The following TOM1L2 variants were observed in gnomAD, a reference collection of about 807,000 sequenced individuals.
TOM1L2 encodes the protein target of myb1 like 2 membrane trafficking protein.
TOM1L2 carries 31 observed loss-of-function variants against 67.9 expected under a neutral mutation model. That is an observed-to-expected ratio of 0.46 (90% CI 0.34 to 0.62). The LOEUF is 0.62. TOM1L2 is among the 20% of genes least tolerant of loss of function. The pLI is 0.01. For synonymous variants in TOM1L2, 256 were observed against 254.0 expected, an observed-to-expected ratio of 1.01 and a Z score of -0.07; for missense variants, 606 against 663.5, an observed-to-expected ratio of 0.91 and a Z score of 0.95.
At chr17:17,952,766 G>C (rs911279375) in intron 1 of TOM1L2, among the ~76,000 whole-genome samples, 1 of 152,120 alleles carries the variant, frequency 6.6e-6, no homozygotes, top group African/African-American at 2.4e-5. Context: ...CAAACAAACA[G>C]CTTTAGGATG....
chr17:17,935,334 A>G (rs1193969444), intron 1 of TOM1L2, among the ~76,000 whole-genome samples: 1 of 152,228 alleles, frequency 6.6e-6, no homozygotes, highest in East Asian at 1.9e-4. Flanking sequence ...CTGTTGGCAA[A>G]TAACAGCCTT....
intron 2 of TOM1L2, among the ~76,000 whole-genome samples, chr17:17,905,584 G>A (rs944932485): frequency 1.3e-5 from 2 of 152,120 alleles, no homozygotes; most frequent in African/African-American, 4.8e-5. Context: ...TGTCGCCCAG[G>A]CTAGAATGCA....
At chr17:17,879,139 G>T (rs187898776) in intron 7 of TOM1L2, among the ~76,000 whole-genome samples, 1 of 152,196 alleles carries the variant, frequency 6.6e-6, no homozygotes, top group Non-Finnish European at 1.5e-5. Flanking sequence ...GGACACCTTG[G>T]GGGTGAGGTG....
intron 6 of TOM1L2, among the ~76,000 whole-genome samples, chr17:17,882,200 G>A (rs1412084702): frequency 6.6e-6 from 1 of 152,096 alleles, no homozygotes; most frequent in Non-Finnish European, 1.5e-5. Context: ...CTTTTTTTAT[G>A]GGATAGATCT....
intron 4 of TOM1L2, among the ~76,000 whole-genome samples, chr17:17,886,639 G>C (rs968237324): frequency 6.6e-6 from 1 of 152,236 alleles, no homozygotes; most frequent in African/African-American, 2.4e-5. Context: ...GTTCTTCCTG[G>C]CACCACTTCA....
intron 9 of TOM1L2, 43 bp from the exon 10 acceptor site, chr17:17,866,462 G>A: frequency 6.5e-7 from 1 of 1,537,494 alleles, no homozygotes; most frequent in South Asian, 1.2e-5. Flanking sequence ...GAACCCTGGA[G>A]TCAGGCTCTG....
In TOM1L2 at chr17:17,869,336, C is replaced by T; in HGVS notation, c.911+4G>A. The T allele has an allele frequency of 1.2e-6, 2 of 1,611,112 alleles. No individual in the cohort carries two copies. The highest frequency in any genetic ancestry group is 1.7e-6 in the Non-Finnish European group (2 of 1,179,914). ...AAAAAAAAAAAAAGAAATCCGGCTC[C>T]CACCTCTCGTATCGAAGGAAGACGT... On this transcript the variant is annotated splice_donor_region_variant and intron_variant, in intron 8 of 14. Coordinates refer to ENST00000379504, the MANE Select transcript of TOM1L2 (RefSeq NM_001082968.2).
chr17:17,968,073 G>A (rs904769140), intron 1 of TOM1L2, among the ~76,000 whole-genome samples: 1 of 152,178 alleles, frequency 6.6e-6, no homozygotes, highest in South Asian at 2.1e-4. Context: ...AGGTTAGAAT[G>A]TTCACATGAG....
chr17:17,847,564 G>A lies in TOM1L2; in HGVS notation c.*71C>T. 1 of 1,532,992 alleles carries A rather than the reference G, an allele frequency of 6.5e-7. No individual in the cohort carries two copies. Among genetic ancestry groups the A allele is most frequent in the Non-Finnish European group, 8.7e-7 (1 of 1,143,470 alleles). 95.0% of individuals were successfully genotyped at this position (1,532,992 alleles called of 1,614,324 possible). ...GCCGTGTGGAGCTGGGGATGTAGGAGTGGCCAGTGCCCGGTGTCCACGGGG... is the reference window on the plus strand; with the variant it reads ...GCCGTGTGGAGCTGGGGATGTAGGAATGGCCAGTGCCCGGTGTCCACGGGG... On this transcript the variant is annotated 3_prime_UTR_variant, in exon 15 of 15. Transcript: ENST00000379504.
intron 3 of TOM1L2, among the ~76,000 whole-genome samples, chr17:17,895,341 A>C (rs1424389970): frequency 6.6e-6 from 1 of 152,192 alleles, no homozygotes; most frequent in Non-Finnish European, 1.5e-5. Context: ...TGCCCAAACT[A>C]ATCCAACCAC....
At chr17:17,910,592 CAG>C (rs2039302187) in intron 1 of TOM1L2, among the ~76,000 whole-genome samples, 2 of 152,114 alleles carry the variant, frequency 1.3e-5, no homozygotes, top group African/African-American at 4.8e-5. Context: ...TTATGTGAGA[CAG>C]AGTCTCACTC....
intron 12 of TOM1L2, chr17:17,859,335 A>G (rs1019523115): frequency 2.6e-5 from 4 of 151,610 alleles, no homozygotes; most frequent in African/African-American, 9.7e-5. Flanking sequence ...TCGGCCTCCC[A>G]AAGTGCTGAG....
chr17:17,895,761 C>A (rs752662182), intron 3 of TOM1L2, among the ~76,000 whole-genome samples: 2 of 152,210 alleles, frequency 1.3e-5, no homozygotes, highest in Non-Finnish European at 2.9e-5. Flanking sequence ...CCTCAGATGA[C>A]AGGCAACATG....
At chr17:17,956,820 C>T (rs1259799876) in intron 1 of TOM1L2, among the ~76,000 whole-genome samples, 1 of 152,208 alleles carries the variant, frequency 6.6e-6, no homozygotes, top group African/African-American at 2.4e-5. Context: ...CCGCAAGCGC[C>T]ACGCGCAGCC....
At chr17:17,851,240 A>G (rs1453249310) in intron 12 of TOM1L2, 1 of 448,150 alleles carries the variant, frequency 2.2e-6, no homozygotes, top group Non-Finnish European at 4.1e-6. Context: ...CTTTTTGACT[A>G]TGAGTGTCCA....
intron 1 of TOM1L2, among the ~76,000 whole-genome samples, chr17:17,911,911 C>CCTTA (rs1458194994): frequency 6.7e-6 from 1 of 148,664 alleles, no homozygotes; most frequent in Non-Finnish European, 1.5e-5. Context: ...CTTGCACCGC[C>CCTTA]CTTAATCCAT....
At chr17:17,901,485 A>T (rs536379219) in intron 2 of TOM1L2, among the ~76,000 whole-genome samples, 14 of 152,286 alleles carry the variant, frequency 9.2e-5, no homozygotes, top group African/African-American at 3.4e-4. Flanking sequence ...CCCTAGACTT[A>T]TAAGAACTCT....
intron 8 of TOM1L2, among the ~76,000 whole-genome samples, chr17:17,867,935 A>G (rs2036946058): frequency 6.6e-6 from 1 of 152,244 alleles, no homozygotes; most frequent in South Asian, 2.1e-4. Context: ...TCTTCAATGA[A>G]CAATGAGTAT....
chr17:17,970,251 A>G (rs1012563225), intron 1 of TOM1L2, among the ~76,000 whole-genome samples: 10 of 151,544 alleles, frequency 6.6e-5, no homozygotes, highest in African/African-American at 2.4e-4. Context: ...TTTTTAGTAG[A>G]GACGGGGTTT....
Sources: allele counts gnomAD v4.1 joint callset (sites outside exome capture counted in the v4.1 genomes callset), GRCh38; gene constraint gnomAD v4.1.1; transcripts MANE v1.5; gene names NCBI Gene and HGNC (gene_info 2026-07-23, HGNC 2026-07-21).